The following KLHDC4 variants were observed in gnomAD, a reference collection of about 807,000 sequenced individuals.
The protein encoded by KLHDC4 is kelch domain-containing protein 4.
KLHDC4 carries 90 observed loss-of-function variants against 62.4 expected under a neutral mutation model. The ratio of observed to expected loss-of-function variants is 1.44; its 90% CI spans 1.22 to 1.72. The LOEUF is 1.72. Among genes scored for constraint, KLHDC4 ranks in the 40% most tolerant of loss-of-function variants. The probability of loss-of-function intolerance (pLI) is 0.00; values close to 1 mark genes in which losing one functional copy is unlikely to be tolerated. For synonymous variants in KLHDC4, 386 were observed against 284.4 expected (o/e 1.36, Z -3.59); for missense variants, 1,025 against 699.7 (o/e 1.47, Z -5.25).
chr16:87,737,590 C>T (rs1597209178), intron 5 of KLHDC4, among the ~76,000 whole-genome samples: 2 of 130,404 alleles, frequency 1.5e-5, no homozygotes, highest in Admixed American at 7.5e-5. Context: ...ACAAATCAGT[C>T]TTTTTTTTTT....
chr16:87,726,232 TCGCCC>T (rs2039358783), intron 7 of KLHDC4, among the ~76,000 whole-genome samples: 1 of 59,702 alleles, frequency 1.7e-5, no homozygotes, highest in Non-Finnish European at 3.2e-5. Flanking sequence ...ACGCCGCGCC[TCGCCC>T]GTCTCCCCAC....
chr16:87,709,418 G>A lies in KLHDC4; in HGVS notation c.1294C>T (p.Arg432Cys), dbSNP rs767846001. 25 of 1,613,088 alleles carry A rather than the reference G, an allele frequency of 1.5e-5. No homozygotes were observed. The East Asian group carries it at 2.9e-4, about 19-fold the overall frequency. ...TTCACAGCCAGCATGGCGTTGGAGC[G>A]TGGACACGGCCCAGGTGCGGGGCTG... ...AGSPAPGPCPRSNAMLAVKHG... is the reference protein window; with the variant it reads ...AGSPAPGPCPCSNAMLAVKHG... The change falls in exon 10 of 12, where the codon CGC becomes TGC. Residue 432 changes from arginine (R) to cysteine (C), a missense_variant. Transcript: ENST00000270583.
chr16:87,735,918 C>T (rs2041228994), intron 5 of KLHDC4, among the ~76,000 whole-genome samples: 1 of 152,212 alleles, frequency 6.6e-6, no homozygotes, highest in East Asian at 1.9e-4. Flanking sequence ...TTACAGAAAA[C>T]TCTACATGCT....
intron 7 of KLHDC4, among the ~76,000 whole-genome samples, chr16:87,724,020 T>C (rs1000104680): frequency 6.6e-6 from 1 of 152,122 alleles, no homozygotes; most frequent in African/African-American, 2.4e-5. Context: ...TATTTTTCAG[T>C]AGACATGGGG....
chr16:87,707,360 TGGGACA>T (rs1348465645), downstream of KLHDC4, among the ~76,000 whole-genome samples: 1 of 152,190 alleles, frequency 6.6e-6, no homozygotes, highest in Non-Finnish European at 1.5e-5. Flanking sequence ...TAAACCCGAC[TGGGACA>T]GGGACAGGGA....
intron 9 of KLHDC4, chr16:87,710,169 A>C (rs1479425329): frequency 6.3e-6 from 1 of 158,182 alleles, no homozygotes; most frequent in Non-Finnish European, 1.4e-5. Context: ...TCCTCACCAA[A>C]CGTTTTTAAA....
intron 5 of KLHDC4, among the ~76,000 whole-genome samples, chr16:87,738,972 A>C: frequency 1.8e-5 from 1 of 54,910 alleles, no homozygotes; most frequent in Non-Finnish European, 3.4e-5. Flanking sequence ...ACACACCAGC[A>C]CCTCATCCAT....
intron 6 of KLHDC4, among the ~76,000 whole-genome samples, 171 bp downstream of exon 6, chr16:87,730,369 GCCAGTGTGAGGC>G (rs1337539877): frequency 6.6e-6 from 1 of 152,274 alleles, no homozygotes; most frequent in Admixed American, 6.5e-5. Flanking sequence ...ACAGCATGAA[GCCAGTGTGAGGC>G]CCGGTGTGAG....
Position 87,716,381 on chromosome 16 carries a change from G to T in KLHDC4, c.760-1808C>A, listed in dbSNP as rs1045171451. Among the ~76,000 whole-genome samples the T allele has an allele frequency of 6.6e-5, 10 of 152,214 alleles. No homozygotes were observed. In the East Asian group the frequency reaches 1.9e-3, roughly 29 times the overall value. On this transcript the variant is annotated intron_variant, in intron 7 of 11. Transcript: ENST00000270583. Reference sequence around the variant, plus strand: ...GCTATGTCTCGTGGATACTGACGCAGAGTTCGGCTATGCTCTATCACTACC... The same window carrying T: ...GCTATGTCTCGTGGATACTGACGCATAGTTCGGCTATGCTCTATCACTACC...
At chr16:87,761,751 G>A (rs140067229) in intron 2 of KLHDC4, among the ~76,000 whole-genome samples, 198 bp downstream of exon 2, 150 of 152,300 alleles carry the variant, frequency 9.8e-4, no homozygotes, top group African/African-American at 3.5e-3. Context: ...CTGTGCTGTA[G>A]GCCCTGCTCC....
At chr16:87,749,760 T>G (rs1014864421) in intron 4 of KLHDC4, among the ~76,000 whole-genome samples, 2 of 152,076 alleles carry the variant, frequency 1.3e-5, no homozygotes, top group African/African-American at 4.8e-5. Flanking sequence ...TTTAATTTTT[T>G]GCAGCAATGG....
chr16:87,730,495 A>G, intron 6 of KLHDC4, 57 bp downstream of exon 6: 2 of 1,379,436 alleles, frequency 1.4e-6, no homozygotes, highest in Non-Finnish European at 2.0e-6. Context: ...TCTTTCTATA[A>G]AAAGCCCACT....
chr16:87,741,962 A>G (rs759038806), intron 5 of KLHDC4, among the ~76,000 whole-genome samples: 11 of 152,202 alleles, frequency 7.2e-5, no homozygotes, highest in Non-Finnish European at 1.2e-4. Context: ...GGACTTCTCA[A>G]AAGACATAAG....
At chr16:87,733,331 G>C (rs112570065) in intron 5 of KLHDC4, among the ~76,000 whole-genome samples, 12 of 152,232 alleles carry the variant, frequency 7.9e-5, no homozygotes, top group Admixed American at 2.0e-4. Flanking sequence ...GGGGTGGTGA[G>C]GAGGCGCTCG....
chr16:87,754,417 C>T (rs1251664280), intron 4 of KLHDC4, among the ~76,000 whole-genome samples: 1 of 152,240 alleles, frequency 6.6e-6, no homozygotes, highest in Non-Finnish European at 1.5e-5. Context: ...TGCAAGCCTG[C>T]ATCTGCACGG....
chr16:87,754,995 C>G (rs796244695), intron 4 of KLHDC4, among the ~76,000 whole-genome samples, 199 bp downstream of exon 4: 33 of 152,296 alleles, frequency 2.2e-4, no homozygotes, highest in African/African-American at 7.5e-4. Flanking sequence ...CTCATGCCAC[C>G]TGGGGAGCAG....
At chr16:87,746,736 C>G (rs1045734550) in intron 5 of KLHDC4, among the ~76,000 whole-genome samples, 1 of 152,172 alleles carries the variant, frequency 6.6e-6, no homozygotes, top group African/African-American at 2.4e-5. Flanking sequence ...CCTGCCCCAC[C>G]ACTCCCTCTA....
rs2044929009 is a variant in KLHDC4 at position 87,756,481 on chromosome 16, C to A, written c.192-4G>T. On this transcript the variant is annotated splice_region_variant and splice_polypyrimidine_tract_variant and intron_variant, in intron 2 of 11. Transcript: ENST00000270583. ...AACCGAGAGGGAGGCATTTAACCTA[C>A]AAGACACACAAGCGGCAGGTCAGCA... The A allele has an allele frequency of 1.2e-6, 2 of 1,611,968 alleles. No homozygotes were observed. Among genetic ancestry groups the A allele is most frequent in the African/African-American group, 1.3e-5 (1 of 74,856 alleles).
intron 1 of KLHDC4, among the ~76,000 whole-genome samples, chr16:87,762,981 C>T (rs1055217382): frequency 2.6e-5 from 4 of 152,158 alleles, no homozygotes; most frequent in Non-Finnish European, 4.4e-5. Flanking sequence ...TCAATGAAAA[C>T]GCCAGGTTCC....
Sources: gnomAD v4.1 joint callset for allele counts (sites outside exome capture counted in the v4.1 genomes callset) on GRCh38, gnomAD v4.1.1 for gene constraint, MANE v1.5 for transcripts, NCBI Gene and HGNC (gene_info 2026-07-23, HGNC 2026-07-21) for gene names.